The following NRG1 variants were observed in gnomAD, a reference collection of about 807,000 sequenced individuals.
NRG1 encodes neuregulin 1.
In NRG1, 18 loss-of-function variants were observed where a neutral mutation model predicts 63.8. That is an observed-to-expected ratio of 0.28 (90% confidence interval 0.19 to 0.42). NRG1 has a LOEUF of 0.42. Among genes scored for constraint, NRG1 ranks in the 10% least tolerant of loss-of-function variants. The pLI, the probability that NRG1 is intolerant of heterozygous loss-of-function variation, is 1.00. For missense variants in NRG1, 762 were observed against 814.7 expected, an observed-to-expected ratio of 0.94 and a Z score of 0.79; for synonymous variants, 302 against 301.3, an observed-to-expected ratio of 1.00 and a Z score of -0.02.
At chr8:32,048,446 CATATATATAT>C (rs869311093) in intron 1 of NRG1, among the ~76,000 whole-genome samples, 1 of 6,724 alleles carries the variant, frequency 1.5e-4, no homozygotes, top group Admixed American at 2.9e-3. Context: ...TATATACATA[CATATATATAT>C]ATATATATAT....
intron 1 of NRG1, among the ~76,000 whole-genome samples, chr8:32,258,944 G>A (rs1304748700): frequency 6.6e-6 from 1 of 152,084 alleles, no homozygotes; most frequent in Non-Finnish European, 1.5e-5. Flanking sequence ...CTTAGATTGG[G>A]CAATATTAGC....
intron 1 of NRG1, among the ~76,000 whole-genome samples, chr8:32,481,527 C>T (rs558212412): frequency 6.6e-5 from 10 of 152,302 alleles, no homozygotes; most frequent in East Asian, 1.9e-4. Context: ...CTCTCAACCC[C>T]GGCTCTTGAG....
intron 1 of NRG1, among the ~76,000 whole-genome samples, chr8:32,304,267 C>G (rs1205406615): frequency 6.6e-6 from 1 of 152,182 alleles, no homozygotes; most frequent in African/African-American, 2.4e-5. Flanking sequence ...GATTTCAAAG[C>G]TTTTATCAAA....
At chr8:32,683,195 G>C (rs1809158245) in intron 5 of NRG1, among the ~76,000 whole-genome samples, 1 of 152,206 alleles carries the variant, frequency 6.6e-6, no homozygotes, top group South Asian at 2.1e-4. Context: ...GAAGCCAACA[G>C]AGTCAATTTT....
At chr8:31,975,571 G>A (rs1808029424) in intron 1 of NRG1, among the ~76,000 whole-genome samples, 1 of 152,130 alleles carries the variant, frequency 6.6e-6, no homozygotes, top group Non-Finnish European at 1.5e-5. Context: ...AATGACTTTA[G>A]GGAATGTGAC....
At chr8:31,840,910 A>G (rs902474227) in intron 1 of NRG1, among the ~76,000 whole-genome samples, 7 of 152,050 alleles carry the variant, frequency 4.6e-5, no homozygotes, top group Non-Finnish European at 5.9e-5. Flanking sequence ...GGCTTGGCCT[A>G]TGCTTTTTTC....
chr8:32,365,499 G>A (rs969689559), intron 1 of NRG1, among the ~76,000 whole-genome samples: 4 of 151,554 alleles, frequency 2.6e-5, no homozygotes, highest in African/African-American at 9.7e-5. Flanking sequence ...TACTTTTATG[G>A]GTTCTTTTTT....
intron 1 of NRG1, among the ~76,000 whole-genome samples, chr8:31,770,143 T>C (rs1238730358): frequency 3.3e-5 from 5 of 152,296 alleles, no homozygotes; most frequent in South Asian, 2.1e-4. Context: ...GTTGGGGTTA[T>C]TGTGAAAAAG....
At chr8:32,064,993 T>C (rs1296129760) in intron 1 of NRG1, among the ~76,000 whole-genome samples, 1 of 152,086 alleles carries the variant, frequency 6.6e-6, no homozygotes, top group Non-Finnish European at 1.5e-5. Flanking sequence ...CCAATTACAT[T>C]GGGGGATAGT....
chr8:32,012,445 C>A (rs1038843441), intron 1 of NRG1, among the ~76,000 whole-genome samples: 1 of 151,914 alleles, frequency 6.6e-6, no homozygotes, highest in Non-Finnish European at 1.5e-5. Context: ...TTTAGGCATA[C>A]TAAAAATATC....
chr8:32,415,653 G>A (rs1406153511), intron 1 of NRG1, among the ~76,000 whole-genome samples: 1 of 152,166 alleles, frequency 6.6e-6, no homozygotes, highest in Admixed American at 6.5e-5. Context: ...AATGGCTGTA[G>A]CTTCTCTAAC....
chr8:32,237,296 G>A (rs1009516382), intron 1 of NRG1, among the ~76,000 whole-genome samples: 8 of 152,098 alleles, frequency 5.3e-5, no homozygotes, highest in Admixed American at 2.6e-4. Flanking sequence ...TATATTTCGT[G>A]AAAGACTTCA....
intron 1 of NRG1, among the ~76,000 whole-genome samples, chr8:32,355,502 A>G (rs1188452868): frequency 6.6e-6 from 1 of 152,178 alleles, no homozygotes; most frequent in Non-Finnish European, 1.5e-5. Context: ...AATATTTGCC[A>G]CAAATATAAA....
chr8:31,950,462 A>G (rs1278955127), intron 1 of NRG1, among the ~76,000 whole-genome samples: 1 of 152,256 alleles, frequency 6.6e-6, no homozygotes, highest in Admixed American at 6.5e-5. Context: ...AGCTTTCTTC[A>G]GCCATTTCTC....
chr8:31,973,614 C>A (rs1296018587), intron 1 of NRG1, among the ~76,000 whole-genome samples: 1 of 152,196 alleles, frequency 6.6e-6, no homozygotes, highest in African/African-American at 2.4e-5. Flanking sequence ...AAGTCCAGTC[C>A]TCTTTTAATC....
intron 1 of NRG1, among the ~76,000 whole-genome samples, chr8:32,371,958 T>G (rs925014817): frequency 3.7e-5 from 5 of 134,280 alleles, no homozygotes; most frequent in Non-Finnish European, 8.1e-5. Context: ...TACCACAATT[T>G]TTTTCTTTCT....
Position 32,539,784 on chromosome 8 carries a change from G to A in NRG1, c.38-56044G>A, listed in dbSNP as rs952162421. Among the ~76,000 whole-genome samples, 8 of 151,540 alleles carry A rather than the reference G, an allele frequency of 5.3e-5. No individual in the cohort carries two copies. The South Asian group carries it at 8.3e-4, about 16-fold the overall frequency. On this transcript the variant is annotated intron_variant, in intron 1 of 10. Coordinates refer to the NRG1 transcript ENST00000519301. ...ACCATGGGCCAGCATTTAAGAGAAA[G>A]TTAAGGAAAAAAAAAAGATTTAAGA...
intron 1 of NRG1, among the ~76,000 whole-genome samples, chr8:32,094,787 G>C (rs1186716705): frequency 6.6e-6 from 1 of 151,240 alleles, no homozygotes; most frequent in Non-Finnish European, 1.5e-5. Context: ...CCCCGCAAAA[G>C]TTTATTTTTT....
At chr8:32,020,132 C>A (rs989569517) in intron 1 of NRG1, among the ~76,000 whole-genome samples, 2 of 152,190 alleles carry the variant, frequency 1.3e-5, no homozygotes, top group African/African-American at 4.8e-5. Flanking sequence ...TCAAGTTCTG[C>A]AGCCTATTAA....
Sources: gnomAD v4.1 joint callset for allele counts (sites outside exome capture counted in the v4.1 genomes callset) on GRCh38, gnomAD v4.1.1 for gene constraint, MANE v1.5 for transcripts, NCBI Gene and HGNC (gene_info 2026-07-23, HGNC 2026-07-21) for gene names.